Variants in SGCZ observed in about 807,000 individuals in gnomAD.
The protein encoded by SGCZ is sarcoglycan zeta, also known as zeta-sarcoglycan.
In SGCZ, 40 loss-of-function variants were observed where a neutral mutation model predicts 41.3. That is an observed-to-expected ratio of 0.97 (90% CI 0.75 to 1.26). The LOEUF is 1.26. Ranked by LOEUF, SGCZ falls within the 50% of genes most tolerant of loss-of-function variation. The probability of loss-of-function intolerance (pLI) is 0.00; values close to 1 mark genes in which losing one functional copy is unlikely to be tolerated. For synonymous variants in SGCZ, 206 were observed against 137.5 expected, an observed-to-expected ratio of 1.50 and a Z score of -3.49; for missense variants, 552 against 369.8, an observed-to-expected ratio of 1.49 and a Z score of -4.04.
At chr8:14,976,003 T>G (rs779683078) in intron 1 of SGCZ, among the ~76,000 whole-genome samples, 1 of 108,036 alleles carries the variant, frequency 9.3e-6, no homozygotes, top group African/African-American at 2.7e-5. Context: ...TATATATACA[T>G]ATATATATAT....
At chr8:14,256,680 T>C (rs1799476805) in intron 3 of SGCZ, among the ~76,000 whole-genome samples, 2 of 152,146 alleles carry the variant, frequency 1.3e-5, no homozygotes, top group Admixed American at 6.6e-5. Context: ...AAATGCTCCA[T>C]CCAATGAGCA....
chr8:14,198,865 C>T (rs947839360), intron 4 of SGCZ, among the ~76,000 whole-genome samples: 1 of 152,178 alleles, frequency 6.6e-6, no homozygotes, highest in African/African-American at 2.4e-5. Flanking sequence ...TTATCACTTC[C>T]CCAATCAATA....
At chr8:14,364,114 GTTTAT>G in intron 2 of SGCZ, among the ~76,000 whole-genome samples, 1 of 152,144 alleles carries the variant, frequency 6.6e-6, no homozygotes, top group Non-Finnish European at 1.5e-5. Flanking sequence ...ATATAGTGTA[GTTTAT>G]TTTGTGTATA....
chr8:14,888,181 A>G (rs1240811674), intron 1 of SGCZ, among the ~76,000 whole-genome samples: 2 of 152,218 alleles, frequency 1.3e-5, no homozygotes, highest in African/African-American at 4.8e-5. Context: ...CCAAAAAAGC[A>G]AAAGACCAAT....
chr8:14,865,529 G>T (rs1480074121), intron 1 of SGCZ, among the ~76,000 whole-genome samples: 1 of 152,094 alleles, frequency 6.6e-6, no homozygotes, highest in East Asian at 1.9e-4. Context: ...AAGGAAGCGT[G>T]GGGTATCTGT....
chr8:14,698,846 G>A (rs1809045472), intron 1 of SGCZ, among the ~76,000 whole-genome samples: 1 of 151,898 alleles, frequency 6.6e-6, no homozygotes, highest in African/African-American at 2.4e-5. Flanking sequence ...TGAAAGTAGT[G>A]TGAACACATG....
intron 1 of SGCZ, among the ~76,000 whole-genome samples, chr8:15,058,573 C>T (rs765924175): frequency 2.2e-4 from 34 of 152,148 alleles, no homozygotes; most frequent in Non-Finnish European, 3.8e-4. Flanking sequence ...TGTCAAACAC[C>T]TTTTGACTGT....
intron 2 of SGCZ, among the ~76,000 whole-genome samples, chr8:14,382,982 G>A (rs1201583884): frequency 6.6e-6 from 1 of 152,098 alleles, no homozygotes; most frequent in Non-Finnish European, 1.5e-5. Flanking sequence ...TGTCCCCTGA[G>A]AGAAAACATA....
At chr8:15,190,474 A>T (rs1800498423) in intron 1 of SGCZ, among the ~76,000 whole-genome samples, 1 of 152,140 alleles carries the variant, frequency 6.6e-6, no homozygotes, top group Non-Finnish European at 1.5e-5. Flanking sequence ...TCAGAGAAAT[A>T]GGCAAGTCAA....
At chr8:14,431,556 C>G (rs556276451) in intron 2 of SGCZ, among the ~76,000 whole-genome samples, 1 of 152,194 alleles carries the variant, frequency 6.6e-6, no homozygotes, top group African/African-American at 2.4e-5. Context: ...GGATCAAGAA[C>G]TTCCATCTAA....
At chr8:15,164,923 C>G (rs944106889) in intron 1 of SGCZ, among the ~76,000 whole-genome samples, 6 of 152,116 alleles carry the variant, frequency 3.9e-5, no homozygotes, top group Non-Finnish European at 7.4e-5. Context: ...TTTCCCAGCC[C>G]TGTCTCTTAA....
intron 2 of SGCZ, among the ~76,000 whole-genome samples, chr8:14,489,362 A>C (rs1801774840): frequency 6.6e-6 from 1 of 151,998 alleles, no homozygotes; most frequent in East Asian, 1.9e-4. Context: ...TCAAAAAATT[A>C]AGGACGTTCT....
intron 4 of SGCZ, among the ~76,000 whole-genome samples, chr8:14,200,280 G>T (rs1466298748): frequency 6.6e-6 from 1 of 152,118 alleles, no homozygotes; most frequent in African/African-American, 2.4e-5. Context: ...TAAGATAATC[G>T]ATTTTCCCTA....
At chr8:14,230,325 CA>C (rs1216840343) in intron 4 of SGCZ, among the ~76,000 whole-genome samples, 1 of 152,084 alleles carries the variant, frequency 6.6e-6, no homozygotes, top group Admixed American at 6.6e-5. Flanking sequence ...GCAGTGTGAA[CA>C]AAAAAATCAC....
At chr8:14,758,838 G>A (rs370993933) in intron 1 of SGCZ, among the ~76,000 whole-genome samples, 1 of 151,944 alleles carries the variant, frequency 6.6e-6, no homozygotes, top group Non-Finnish European at 1.5e-5. Context: ...AAGAAACCCT[G>A]TCTCTACTAA....
At chr8:14,721,308 T>C (rs1240511435) in intron 1 of SGCZ, among the ~76,000 whole-genome samples, 1 of 152,210 alleles carries the variant, frequency 6.6e-6, no homozygotes, top group Non-Finnish European at 1.5e-5. Context: ...ACCAGAGATT[T>C]ATGTATCCAG....
rs550359867 is a variant in SGCZ, at chr8:14,089,865, C to G, written c.*578G>C. 1 of 152,508 alleles carries G rather than the reference C, an allele frequency of 6.6e-6. No individual in the cohort carries two copies. The highest frequency in any genetic ancestry group is 1.9e-4 in the East Asian group (1 of 5,148). 9.4% of individuals were successfully genotyped at this position (152,508 alleles called of 1,614,324 possible). A position where few individuals can be genotyped will look rare whatever the true frequency, so the allele number is the denominator to read the frequency against. On this transcript the variant is annotated 3_prime_UTR_variant, in exon 8 of 8. Coordinates refer to ENST00000382080, the MANE Select transcript of SGCZ (RefSeq NM_139167.4). ...AAATTAAAGAAACAGAAGGAAAACT[C>G]AGGGAGAGATTCTGTATTGTTTTGT...
intron 1 of SGCZ, among the ~76,000 whole-genome samples, chr8:15,232,806 CACAT>C (rs1801996220): frequency 7.2e-6 from 1 of 138,090 alleles, no homozygotes; most frequent in African/African-American, 2.9e-5. Context: ...CATATATACA[CACAT>C]ATATATATTT....
chr8:15,231,054 A>C (rs186351766), intron 1 of SGCZ, among the ~76,000 whole-genome samples: 110 of 152,282 alleles, frequency 7.2e-4, no homozygotes, highest in African/African-American at 2.4e-3. Flanking sequence ...AAACACTACA[A>C]TCTGTTAGAT....
Sources: gnomAD v4.1 joint callset for allele counts (sites outside exome capture counted in the v4.1 genomes callset) on GRCh38, gnomAD v4.1.1 for gene constraint, MANE v1.5 for transcripts, NCBI Gene and HGNC (gene_info 2026-07-23, HGNC 2026-07-21) for gene names.